Variants in CEP135 observed in about 807,000 individuals in gnomAD.
CEP135 encodes the protein centrosomal protein 135.
CEP135 carries 142 observed loss-of-function variants against 157.3 expected under a neutral mutation model. The observed-to-expected ratio is 0.90, with a 90% CI of 0.79 to 1.04. The LOEUF is 1.04. Among genes scored for constraint, CEP135 ranks in the 50% least tolerant of loss-of-function variants. The pLI is 0.00. For synonymous variants in CEP135, 396 were observed against 439.8 expected (o/e 0.90, Z 1.25); for missense variants, 1,317 against 1,309.2 (o/e 1.01, Z -0.09).
intron 14 of CEP135, among the ~76,000 whole-genome samples, chr4:55,989,944 T>C (rs955952453): frequency 1.3e-5 from 2 of 152,230 alleles, no homozygotes; most frequent in Non-Finnish European, 2.9e-5. Flanking sequence ...CAGCAAAATA[T>C]GATCCCCAGG....
chr4:55,980,988 T>C (rs1390503645), intron 12 of CEP135, among the ~76,000 whole-genome samples: 1 of 152,144 alleles, frequency 6.6e-6, no homozygotes, highest in Non-Finnish European at 1.5e-5. Flanking sequence ...GCCTAGTTAC[T>C]TCCTGCTTGT....
rs770715221 is a variant in CEP135, at chr4:56,019,584, G to T, written c.3215+29G>T. 5.8e-6 allele frequency: 9 copies of T among 1,552,222 alleles called. No individual in the cohort carries two copies. In the South Asian group the frequency reaches 1.0e-4, roughly 18 times the overall value. On this transcript the variant is annotated intron_variant, in intron 23 of 25. Transcript: ENST00000257287. ...AGTGTCTTAAGTCAACTTATGCAAA[G>T]ACAATTGCTTGTGAAGGATAGTTTT... is the stretch of plus-strand genomic sequence containing the variant.
In CEP135 at chr4:55,971,342, G is replaced by A. The variant is rs950086071; in HGVS notation, c.1183G>A (p.Val395Ile). Residue 395 changes from valine to isoleucine, a missense_variant, in exon 10 of 26, where the codon GTT (valine) becomes ATT (isoleucine). Transcript: ENST00000257287. Reference sequence around the variant, plus strand: ...CCTTGTAAAATCAGACCTAGAAACTGTTGTTCATCAGCTTGAACAAGAAAA... The same window carrying A: ...CCTTGTAAAATCAGACCTAGAAACTATTGTTCATCAGCTTGAACAAGAAAA... ...ELLVKSDLET[V>I]VHQLEQEKQR... The A allele has an allele frequency of 1.2e-6, 2 of 1,607,570 alleles. No individual in the cohort carries two copies. The highest frequency in any genetic ancestry group is 1.7e-6 in the Non-Finnish European group (2 of 1,177,292).
chr4:56,007,370 G>A (rs936406023), intron 17 of CEP135, among the ~76,000 whole-genome samples: 2 of 152,214 alleles, frequency 1.3e-5, no homozygotes, highest in Non-Finnish European at 2.9e-5. Context: ...TGGGATGGGG[G>A]AGGTCCCAAA....
Position 55,956,801 on chromosome 4 carries a change from C to T in CEP135, c.473-422C>T, listed in dbSNP as rs567040296. ...AATTTTTTTGTATTTTTAGTAGAGA[C>T]GGGGTTTCACCATGTTGGCCAGGCT... On this transcript the variant is annotated intron_variant, in intron 4 of 25. Transcript: ENST00000257287. Among the ~76,000 whole-genome samples the T allele has an allele frequency of 1.2e-4, 19 of 152,188 alleles. No homozygotes were observed. The South Asian group carries it at 2.3e-3, about 18-fold the overall frequency.
intron 25 of CEP135, among the ~76,000 whole-genome samples, chr4:56,028,792 A>G (rs1386885250): frequency 6.6e-6 from 1 of 152,202 alleles, no homozygotes; most frequent in East Asian, 1.9e-4. Context: ...CACTCAGCAT[A>G]CCACTTCAGA....
chr4:55,955,170 C>A (rs1728468250), intron 4 of CEP135, among the ~76,000 whole-genome samples: 1 of 151,946 alleles, frequency 6.6e-6, no homozygotes, highest in South Asian at 2.1e-4. Flanking sequence ...ATATTAGTGA[C>A]AAAATCATTA....
chr4:56,026,332 A>G (rs1284387021), intron 25 of CEP135, among the ~76,000 whole-genome samples: 1 of 152,324 alleles, frequency 6.6e-6, no homozygotes, highest in East Asian at 1.9e-4. Context: ...AAAACAAAAC[A>G]AAACTAACTT....
At chr4:55,958,998 T>C (rs929126676) in intron 5 of CEP135, among the ~76,000 whole-genome samples, 3 of 152,060 alleles carry the variant, frequency 2.0e-5, no homozygotes, top group Admixed American at 2.0e-4. Flanking sequence ...GGTGAGAGGA[T>C]TGATGGAGCT....
Position 55,999,584 on chromosome 4 carries a change from A to C in CEP135, c.2219A>C (p.Gln740Pro), listed in dbSNP as rs773511473. 1.2e-6 allele frequency: 2 copies of C among 1,610,202 alleles called. No individual in the cohort carries two copies. Among genetic ancestry groups the C allele is most frequent in the Non-Finnish European group, 1.7e-6 (2 of 1,179,276 alleles). Residue 740 changes from glutamine to proline, a missense_variant, in exon 17 of 26, where the codon CAG becomes CCG. By Grantham distance (76) the Gln-to-Pro change is moderately conservative. Coordinates refer to ENST00000257287, the MANE Select transcript of CEP135 (RefSeq NM_025009.5). ...ATTGATAAAGAAAAAGACTTTCTCC[A>C]GGAGACTGTAGATGAGAAGACAGAA... Reference protein sequence around the residue: ...GVIDKEKDFLQETVDEKTEKI... With the variant: ...GVIDKEKDFLPETVDEKTEKI...
rs1728824503 is a variant in CEP135 at position 55,965,810 on chromosome 4, A to C, written c.995A>C (p.His332Pro). 1 of 1,613,788 alleles carries C rather than the reference A, an allele frequency of 6.2e-7. No individual in the cohort carries two copies. The highest frequency in any genetic ancestry group is 8.5e-7 in the Non-Finnish European group (1 of 1,179,794). The stretch of plus-strand genomic sequence containing the variant: ...CAGTTAGCACAGCAGTTGGAAAGAC[A>C]TAAAGAAGAAGTGCTTGAGACTGCT... The part of the protein sequence containing the change: ...IDQLAQQLER[H>P]KEEVLETADK... The change falls in exon 8 of 26, where the codon CAT (histidine) becomes CCT (proline). Residue 332 changes from histidine (H) to proline (P), a missense_variant. Transcript: ENST00000257287.
intron 10 of CEP135, among the ~76,000 whole-genome samples, chr4:55,973,065 T>C (rs1032588300): frequency 6.6e-6 from 1 of 152,214 alleles, no homozygotes; most frequent in Non-Finnish European, 1.5e-5. Flanking sequence ...TTGATAGCTA[T>C]GTGTGGCCTA....
At chr4:56,008,227 A>C in intron 17 of CEP135, 100 bp from the exon 18 acceptor site, 1 of 801,242 alleles carries the variant, frequency 1.2e-6, no homozygotes, top group Non-Finnish European at 2.1e-6. Flanking sequence ...ACTTTATATA[A>C]TTGAGCTGTG....
chr4:55,950,423 GC>G (rs1302323151), intron 1 of CEP135, among the ~76,000 whole-genome samples: 3 of 152,092 alleles, frequency 2.0e-5, no homozygotes, highest in Non-Finnish European at 4.4e-5. Context: ...TTTTTATTTG[GC>G]TTAGAAATAC....
intron 6 of CEP135, among the ~76,000 whole-genome samples, chr4:55,963,777 G>A (rs1303564382): frequency 2.0e-5 from 3 of 152,128 alleles, no homozygotes; most frequent in East Asian, 3.9e-4. Context: ...AAGCTTGAAA[G>A]TGTGAGCCTT....
chr4:55,991,229 G>A (rs943622002), intron 14 of CEP135, among the ~76,000 whole-genome samples: 2 of 151,740 alleles, frequency 1.3e-5, no homozygotes, highest in African/African-American at 4.8e-5. Flanking sequence ...GCCCACCGTG[G>A]CCTCCCATAT....
chr4:56,005,506 G>T (rs1474348094), intron 17 of CEP135, among the ~76,000 whole-genome samples: 1 of 152,102 alleles, frequency 6.6e-6, no homozygotes, highest in Non-Finnish European at 1.5e-5. Flanking sequence ...CTCGCATTTT[G>T]ACTTGTGGTT....
intron 25 of CEP135, among the ~76,000 whole-genome samples, chr4:56,028,028 T>A (rs937337599): frequency 1.1e-4 from 17 of 152,222 alleles, no homozygotes; most frequent in African/African-American, 3.9e-4. Flanking sequence ...AAATCATACA[T>A]GTGTTCTTTT....
At chr4:56,023,300 G>A (rs1034420985) in intron 24 of CEP135, among the ~76,000 whole-genome samples, 1 of 151,984 alleles carries the variant, frequency 6.6e-6, no homozygotes, top group African/African-American at 2.4e-5. Flanking sequence ...TCCAGTAACA[G>A]AGCTAAGGAG....
Sources: gnomAD v4.1 joint callset for allele counts (sites outside exome capture counted in the v4.1 genomes callset) on GRCh38, gnomAD v4.1.1 for gene constraint, MANE v1.5 for transcripts, NCBI Gene and HGNC (gene_info 2026-07-23, HGNC 2026-07-21) for gene names.